PTPRT: variants seen among roughly 807,000 people sequenced by gnomAD.
The protein encoded by PTPRT is protein tyrosine phosphatase receptor type T, also known as receptor-type tyrosine-protein phosphatase T.
A neutral mutation model predicts 176.8 loss-of-function variants in PTPRT; 56 were observed. The ratio of observed to expected loss-of-function variants is 0.32; its 90% CI spans 0.26 to 0.40. PTPRT has a LOEUF of 0.40. Ranked by LOEUF, PTPRT falls within the 10% of genes least tolerant of loss-of-function variation. The pLI is 1.00. For missense variants in PTPRT, 1,540 were observed against 1,908.2 expected (o/e 0.81, Z 3.60); for synonymous variants, 783 against 739.0 (o/e 1.06, Z -0.96).
At chr20:42,137,413 T>C (rs568572449) in intron 18 of PTPRT, among the ~76,000 whole-genome samples, 3 of 152,200 alleles carry the variant, frequency 2.0e-5, no homozygotes, top group Admixed American at 6.5e-5. Context: ...CTGGAAAAGA[T>C]GGGCCTCTCT....
At chr20:42,927,722 G>A (rs1414086457) in intron 1 of PTPRT, among the ~76,000 whole-genome samples, 2 of 152,186 alleles carry the variant, frequency 1.3e-5, no homozygotes, top group East Asian at 3.9e-4. Context: ...CAGCATGCAA[G>A]TCCACGTGGG....
intron 1 of PTPRT, among the ~76,000 whole-genome samples, chr20:42,932,597 T>C (rs977757919): frequency 1.3e-5 from 2 of 152,210 alleles, no homozygotes; most frequent in African/African-American, 4.8e-5. Flanking sequence ...CCCTGCTGAC[T>C]TGGGTGACCA....
chr20:42,730,641 G>A (rs1356150039), intron 6 of PTPRT, among the ~76,000 whole-genome samples: 1 of 151,022 alleles, frequency 6.6e-6, no homozygotes, highest in Non-Finnish European at 1.5e-5. Flanking sequence ...GGTAAACACT[G>A]TGTAGTTCTG....
chr20:42,876,148 T>C (rs535576241), intron 2 of PTPRT, among the ~76,000 whole-genome samples: 1 of 152,312 alleles, frequency 6.6e-6, no homozygotes, highest in South Asian at 2.1e-4. Context: ...AGGTAACTTA[T>C]ATGTTCAAAC....
intron 1 of PTPRT, among the ~76,000 whole-genome samples, chr20:43,020,832 T>A (rs1985641307): frequency 6.6e-6 from 1 of 152,234 alleles, no homozygotes; most frequent in Non-Finnish European, 1.5e-5. Flanking sequence ...AAGCTCTATC[T>A]TTCCCATTGT....
At chr20:42,672,148 G>T (rs1282334970) in intron 7 of PTPRT, among the ~76,000 whole-genome samples, 2 of 152,226 alleles carry the variant, frequency 1.3e-5, no homozygotes, top group African/African-American at 4.8e-5. Flanking sequence ...GTCTGTGAGG[G>T]TGTTGCCAAA....
At chr20:42,706,630 AT>A (rs1248855251) in intron 6 of PTPRT, among the ~76,000 whole-genome samples, 3 of 152,204 alleles carry the variant, frequency 2.0e-5, no homozygotes, top group Non-Finnish European at 4.4e-5. Flanking sequence ...ATTAGAAAGA[AT>A]TGTTATGTGC....
At chr20:42,774,321 T>C (rs1052863615) in intron 4 of PTPRT, among the ~76,000 whole-genome samples, 1 of 152,130 alleles carries the variant, frequency 6.6e-6, no homozygotes, top group African/African-American at 2.4e-5. Flanking sequence ...TATCCACCAG[T>C]AGCCTCAGCA....
intron 27 of PTPRT, among the ~76,000 whole-genome samples, chr20:42,093,048 CAG>C (rs1984801066): frequency 6.6e-6 from 1 of 152,220 alleles, no homozygotes; most frequent in Non-Finnish European, 1.5e-5. Flanking sequence ...TCATAGGTCT[CAG>C]GGGTTAGGAT....
chr20:42,126,487 G>C (rs1359526293), intron 19 of PTPRT, among the ~76,000 whole-genome samples: 1 of 152,162 alleles, frequency 6.6e-6, no homozygotes, highest in Non-Finnish European at 1.5e-5. Flanking sequence ...GGTGATGTTG[G>C]TACATGAAAG....
rs957178688 is a variant in PTPRT at position 42,852,229 on chromosome 20, G to A, written c.214+33578C>T. On this transcript the variant is annotated intron_variant, in intron 2 of 30. Transcript: ENST00000373187. Reference sequence around the variant, plus strand: ...ACATAAATATGTAATCACTTTGGGGGAGAATTGACATATTTATATGAATAC... The same window carrying A: ...ACATAAATATGTAATCACTTTGGGGAAGAATTGACATATTTATATGAATAC... 3.9e-5 allele frequency among the ~76,000 whole-genome samples: 6 copies of A among 152,068 alleles called. No individual in the cohort carries two copies. In the East Asian group the frequency reaches 5.8e-4, roughly 15 times the overall value.
intron 9 of PTPRT, among the ~76,000 whole-genome samples, chr20:42,415,073 G>C (rs2059052974): frequency 6.6e-6 from 1 of 152,204 alleles, no homozygotes; most frequent in South Asian, 2.1e-4. Context: ...GAAGGAACAT[G>C]TAAGTAAAAG....
At chr20:42,925,484 G>A (rs1270914711) in intron 1 of PTPRT, among the ~76,000 whole-genome samples, 1 of 152,128 alleles carries the variant, frequency 6.6e-6, no homozygotes, top group East Asian at 1.9e-4. Flanking sequence ...AAACTCAGAG[G>A]CTCTTTTTAT....
At chr20:42,931,851 C>A (rs933518783) in intron 1 of PTPRT, among the ~76,000 whole-genome samples, 21 of 152,302 alleles carry the variant, frequency 1.4e-4, no homozygotes, top group African/African-American at 4.6e-4. Flanking sequence ...AGAGACATGG[C>A]TGATACCAGT....
downstream of PTPRT, among the ~76,000 whole-genome samples, chr20:42,068,827 G>A (rs1000799649): frequency 1.3e-5 from 2 of 152,216 alleles, no homozygotes; most frequent in African/African-American, 2.4e-5. Flanking sequence ...AAAGGAAAGT[G>A]GGATGGGATG....
intron 1 of PTPRT, among the ~76,000 whole-genome samples, chr20:42,912,225 C>A (rs1978443851): frequency 6.6e-6 from 1 of 152,108 alleles, no homozygotes; most frequent in Non-Finnish European, 1.5e-5. Flanking sequence ...AGTATCATCA[C>A]TGTTTTTAAT....
chr20:42,871,315 T>TA (rs34666147), intron 2 of PTPRT, among the ~76,000 whole-genome samples: 1 of 147,416 alleles, frequency 6.8e-6, no homozygotes, highest in Non-Finnish European at 1.5e-5. Flanking sequence ...CAGCCCTTTT[T>TA]AAAAAAAAAA....
chr20:42,702,519 C>T (rs763961837), intron 6 of PTPRT, among the ~76,000 whole-genome samples: 6 of 152,138 alleles, frequency 3.9e-5, no homozygotes, highest in Non-Finnish European at 5.9e-5. Context: ...ACACACTGAA[C>T]CCCCATGGAT....
intron 2 of PTPRT, among the ~76,000 whole-genome samples, chr20:42,856,909 G>C (rs1458124252): frequency 6.6e-6 from 1 of 152,144 alleles, no homozygotes; most frequent in African/African-American, 2.4e-5. Context: ...ATGGAAGATG[G>C]AAGCAACAGC....
Sources: allele counts gnomAD v4.1 joint callset (sites outside exome capture counted in the v4.1 genomes callset), GRCh38; gene constraint gnomAD v4.1.1; transcripts MANE v1.5; gene names NCBI Gene and HGNC (gene_info 2026-07-23, HGNC 2026-07-21).